GMPS: variants seen among roughly 807,000 people sequenced by gnomAD.
GMPS encodes guanosine monophosphate synthase, also known as GMP synthase [glutamine-hydrolyzing].
In GMPS, 15 loss-of-function variants were observed where a neutral mutation model predicts 77.9. The observed-to-expected ratio is 0.19, with a 90% CI of 0.13 to 0.30. The LOEUF (loss-of-function observed/expected upper bound fraction) is 0.30. Among genes scored for constraint, GMPS ranks in the 10% least tolerant of loss-of-function variants. GMPS has a pLI of 1.00. For missense variants in GMPS, 590 were observed against 838.8 expected, an observed-to-expected ratio of 0.70 and a Z score of 3.66; for synonymous variants, 224 against 275.9, an observed-to-expected ratio of 0.81 and a Z score of 1.86.
chr3:155,889,809 T>C (rs1247204270), intron 1 of GMPS, among the ~76,000 whole-genome samples: 1 of 152,242 alleles, frequency 6.6e-6, no homozygotes, highest in Non-Finnish European at 1.5e-5. Context: ...TATCTATGAA[T>C]ATTGCTTATT....
chr3:155,903,857 G>A lies in GMPS; in HGVS notation c.325-6G>A, dbSNP rs1419181679. On this transcript the variant is annotated splice_region_variant and splice_polypyrimidine_tract_variant and intron_variant, in intron 3 of 15. Transcript: ENST00000496455. ...TCTATTAACATTAATTTTTTTCTTT[G>A]AACAGATGATGAATAAGGTATTTGG... 1.6e-5 allele frequency: 21 copies of A among 1,345,424 alleles called. No homozygotes were observed. Among genetic ancestry groups the A allele is most frequent in the Non-Finnish European group, 2.0e-5 (20 of 980,980 alleles). 83.3% of individuals were successfully genotyped at this position (1,345,424 alleles called of 1,614,324 possible).
At chr3:155,915,990 C>T in intron 8 of GMPS, 29 bp from the exon 9 acceptor site, 1 of 1,551,168 alleles carries the variant, frequency 6.4e-7, no homozygotes. Context: ...TTATCTCTTA[C>T]AAGGCTGTTT....
At chr3:155,870,606 G>C (rs945698111), upstream of GMPS, 94 of 444,684 alleles carry the variant, frequency 2.1e-4, no homozygotes, top group African/African-American at 1.8e-3. Flanking sequence ...ACGGGCTCTG[G>C]CTCCTCCCAG....
intron 3 of GMPS, among the ~76,000 whole-genome samples, chr3:155,900,770 C>T (rs535580285): frequency 6.6e-6 from 1 of 152,126 alleles, no homozygotes; most frequent in African/African-American, 2.4e-5. Context: ...ATGGGATATG[C>T]TGATCTTGGT....
intron 1 of GMPS, among the ~76,000 whole-genome samples, chr3:155,875,660 C>T (rs949828174): frequency 3.3e-5 from 5 of 152,212 alleles, no homozygotes; most frequent in Non-Finnish European, 7.3e-5. Flanking sequence ...ATAATTGTTT[C>T]ATAGAATTTT....
chr3:155,922,638 A>T (rs974315271), intron 11 of GMPS, among the ~76,000 whole-genome samples: 7 of 152,188 alleles, frequency 4.6e-5, no homozygotes, highest in Non-Finnish European at 1.0e-4. Context: ...TCCTCTGAGG[A>T]CAGCTACTAA....
chr3:155,921,427 T>C (rs985822249), intron 10 of GMPS, among the ~76,000 whole-genome samples: 1 of 152,194 alleles, frequency 6.6e-6, no homozygotes, highest in Admixed American at 6.5e-5. Context: ...TGTTGGAAAA[T>C]TCCCTTATTA....
At chr3:155,928,015 T>G (rs757376354) in intron 12 of GMPS, among the ~76,000 whole-genome samples, 16 of 143,042 alleles carry the variant, frequency 1.1e-4, no homozygotes, top group Non-Finnish European at 2.1e-4. Flanking sequence ...ATGTGCATTT[T>G]ACACTTTTTT....
At chr3:155,925,499 G>A in intron 12 of GMPS, 133 bp downstream of exon 12, 1 of 571,552 alleles carries the variant, frequency 1.7e-6, no homozygotes, top group Non-Finnish European at 3.1e-6. Flanking sequence ...CCGCCTCCTG[G>A]GTTCAAGCAC....
chr3:155,937,580 T>C lies in GMPS; in HGVS notation c.1981-11T>C. 8.5e-7 allele frequency: 1 copy of C among 1,175,390 alleles called. No individual in the cohort carries two copies. Among genetic ancestry groups the C allele is most frequent in the Non-Finnish European group, 1.3e-6 (1 of 782,850 alleles). The allele number at this position is 1,175,390 out of a possible 1,614,324, so 72.8% of individuals were successfully genotyped here. A position where few individuals can be genotyped will look rare whatever the true frequency, so the allele number is the denominator to read the frequency against. On this transcript the variant is annotated splice_polypyrimidine_tract_variant and intron_variant, in intron 15 of 15. Coordinates refer to ENST00000496455, the MANE Select transcript of GMPS (RefSeq NM_003875.3). ...TGGATGCTGACTTTTCTCTATAATT[T>C]TTTTTAATAGGTGGTATTAAAGATG...
chr3:155,880,707 G>A (rs529085776), intron 1 of GMPS, among the ~76,000 whole-genome samples: 2 of 152,216 alleles, frequency 1.3e-5, no homozygotes, highest in Admixed American at 6.5e-5. Context: ...CTTGGTATTG[G>A]TGCAGTATTT....
At position 155,937,470 on chromosome 3, in the gene GMPS, A is replaced by G. The variant is rs920402880; in HGVS notation, c.1981-121A>G. 1.6e-4 allele frequency: 102 copies of G among 624,240 alleles called. 1 individual carries two copies. Among genetic ancestry groups the G allele is most frequent in the Non-Finnish European group, 5.8e-5 (20 of 346,344 alleles). 38.7% of individuals were successfully genotyped at this position (624,240 alleles called of 1,614,324 possible). ...TATAAGATTAATCAGAAACCATCCC[A>G]TATACATGGAGGACAATAGTGAAAA... is the stretch of plus-strand genomic sequence containing the variant. On this transcript the variant is annotated intron_variant, in intron 15 of 15. Transcript: ENST00000496455.
intron 1 of GMPS, among the ~76,000 whole-genome samples, chr3:155,881,930 G>T (rs1754215543): frequency 6.6e-6 from 1 of 152,160 alleles, no homozygotes; most frequent in South Asian, 2.1e-4. Context: ...GCCAGGCATG[G>T]TGGTGCATGC....
rs190965032 is a variant in GMPS at position 155,939,497 on chromosome 3, A to G, written c.*1805A>G. On this transcript the variant is annotated 3_prime_UTR_variant, in exon 16 of 16. Transcript: ENST00000496455. ...CATGTAAAAAGGATTAGGTGGTCAT[A>G]TAAGTTTGGGGAACATAAGCTCACT... is the stretch of plus-strand genomic sequence containing the variant. 128 of 205,366 alleles carry G rather than the reference A, an allele frequency of 6.2e-4. 1 individual carries two copies. The highest frequency in any genetic ancestry group is 2.8e-3 in the African/African-American group (124 of 44,012). The allele number at this position is 205,366 out of a possible 1,614,324, so 12.7% of individuals were successfully genotyped here. A position where few individuals can be genotyped will look rare whatever the true frequency, so the allele number is the denominator to read the frequency against.
At chr3:155,907,668 G>A (rs1262272942) in intron 5 of GMPS, among the ~76,000 whole-genome samples, 1 of 152,088 alleles carries the variant, frequency 6.6e-6, no homozygotes, top group Non-Finnish European at 1.5e-5. Flanking sequence ...AAACAATAAA[G>A]AAATACAGAA....
intron 11 of GMPS, among the ~76,000 whole-genome samples, chr3:155,923,458 A>T (rs539341732): frequency 2.0e-5 from 3 of 152,240 alleles, no homozygotes; most frequent in East Asian, 3.9e-4. Flanking sequence ...TCTCAAGCAG[A>T]ATAAAGGGAA....
chr3:155,910,047 A>G (rs966971828), intron 5 of GMPS, among the ~76,000 whole-genome samples: 12 of 151,854 alleles, frequency 7.9e-5, no homozygotes, highest in African/African-American at 2.2e-4. Context: ...GATCAAGACC[A>G]GCCTGGCCAA....
intron 1 of GMPS, among the ~76,000 whole-genome samples, chr3:155,876,155 A>G (rs1438465478): frequency 2.0e-5 from 3 of 152,198 alleles, no homozygotes; most frequent in Non-Finnish European, 4.4e-5. Context: ...TGCATGTGTT[A>G]CACAAATACC....
rs187173538 is a variant in GMPS at position 155,889,773 on chromosome 3, A to T, written c.28-3745A>T. ...TGTATATGGTTTAATTTTTTCCTTAATATTTTTTCTTGATATCTTAAAATA... is the reference window on the plus strand; with the variant it reads ...TGTATATGGTTTAATTTTTTCCTTATTATTTTTTCTTGATATCTTAAAATA... On this transcript the variant is annotated intron_variant, in intron 1 of 15. Transcript: ENST00000496455. 2.4e-3 allele frequency among the ~76,000 whole-genome samples: 360 copies of T among 152,128 alleles called. 1 individual carries two copies. The highest frequency in any genetic ancestry group is 8.5e-3 in the African/African-American group (352 of 41,504).
Sources: gnomAD v4.1 joint callset for allele counts (sites outside exome capture counted in the v4.1 genomes callset) on GRCh38, gnomAD v4.1.1 for gene constraint, MANE v1.5 for transcripts, NCBI Gene and HGNC (gene_info 2026-07-23, HGNC 2026-07-21) for gene names.